CDH4: variants seen among roughly 807,000 people sequenced by gnomAD.
CDH4 encodes cadherin-4.
CDH4 carries 33 observed loss-of-function variants against 86.0 expected under a neutral mutation model. The observed-to-expected ratio is 0.38, with a 90% CI of 0.29 to 0.51. The LOEUF (loss-of-function observed/expected upper bound fraction) is 0.51. Among genes scored for constraint, CDH4 ranks in the 20% least tolerant of loss-of-function variants. The pLI is 0.86. For missense variants in CDH4, 1,114 were observed against 1,307.4 expected (o/e 0.85, Z 2.28); for synonymous variants, 555 against 549.4 (o/e 1.01, Z -0.14).
intron 2 of CDH4, among the ~76,000 whole-genome samples, chr20:61,408,889 G>C (rs554300441): frequency 6.6e-6 from 1 of 152,320 alleles, no homozygotes; most frequent in African/African-American, 2.4e-5. Flanking sequence ...CAGCCAGATG[G>C]CCACGGGGTC....
At chr20:61,720,599 CA>C (rs1261168544) in intron 2 of CDH4, among the ~76,000 whole-genome samples, 2 of 151,180 alleles carry the variant, frequency 1.3e-5, no homozygotes, top group Non-Finnish European at 3.0e-5. Flanking sequence ...GTGTACAGTG[CA>C]GGGGTGCAGC....
intron 2 of CDH4, among the ~76,000 whole-genome samples, chr20:61,556,776 T>TG (rs1307605070): frequency 6.6e-6 from 1 of 152,078 alleles, no homozygotes; most frequent in Non-Finnish European, 1.5e-5. Flanking sequence ...TTGAGGCAGG[T>TG]GGCCAGTGGC....
chr20:61,329,350 T>TCATGGTCCCCC (rs2084556493), intron 2 of CDH4, among the ~76,000 whole-genome samples: 2 of 51,880 alleles, frequency 3.9e-5, no homozygotes, highest in Non-Finnish European at 4.5e-5. Flanking sequence ...CATGGTTCCC[T>TCATGGTCCCCC]CGTGGGTCTG....
chr20:61,677,709 A>G (rs1047694069), intron 2 of CDH4, among the ~76,000 whole-genome samples: 1 of 152,016 alleles, frequency 6.6e-6, no homozygotes, highest in Non-Finnish European at 1.5e-5. Context: ...GGACGGATGG[A>G]TGGATGATAG....
At chr20:61,669,644 T>A (rs1039773169) in intron 2 of CDH4, among the ~76,000 whole-genome samples, 3 of 152,192 alleles carry the variant, frequency 2.0e-5, no homozygotes, top group African/African-American at 7.2e-5. Context: ...GAGAAGCTCT[T>A]TCCTGAAAGT....
At chr20:61,930,396 G>A (rs563655328) in intron 13 of CDH4, among the ~76,000 whole-genome samples, 35 of 152,324 alleles carry the variant, frequency 2.3e-4, no homozygotes, top group African/African-American at 7.9e-4. Flanking sequence ...GGGCTGGCGG[G>A]GGGGCGGTGC....
At chr20:61,505,168 C>A (rs1198578675) in intron 2 of CDH4, among the ~76,000 whole-genome samples, 1 of 152,100 alleles carries the variant, frequency 6.6e-6, no homozygotes, top group African/African-American at 2.4e-5. Flanking sequence ...GGATTTGGTT[C>A]ATTGTGGGGT....
At chr20:61,602,118 A>T (rs1260818167) in intron 2 of CDH4, among the ~76,000 whole-genome samples, 1 of 152,114 alleles carries the variant, frequency 6.6e-6, no homozygotes, top group Non-Finnish European at 1.5e-5. Context: ...GCTGCTGGCG[A>T]TGCTTTCTGG....
intron 2 of CDH4, among the ~76,000 whole-genome samples, chr20:61,322,922 C>T (rs1355990622): frequency 2.6e-5 from 4 of 152,084 alleles, no homozygotes; most frequent in African/African-American, 4.8e-5. Context: ...TTTTATGTCC[C>T]AGGCTGTCAG....
chr20:61,917,159 T>G (rs536268145), intron 9 of CDH4, among the ~76,000 whole-genome samples: 2 of 152,022 alleles, frequency 1.3e-5, no homozygotes, highest in Non-Finnish European at 2.9e-5. Context: ...CCCAATTCCA[T>G]CTCCCTAGCC....
chr20:61,453,362 C>T (rs752930381), intron 2 of CDH4, among the ~76,000 whole-genome samples: 2 of 152,144 alleles, frequency 1.3e-5, no homozygotes, highest in African/African-American at 2.4e-5. Flanking sequence ...CCAGCAGAGA[C>T]GTCAGGGCTG....
At chr20:61,773,262 G>A in intron 4 of CDH4, 80 bp downstream of exon 4, 2 of 1,356,126 alleles carry the variant, frequency 1.5e-6, no homozygotes, top group Non-Finnish European at 9.8e-7. Context: ...AAAGCCAGGG[G>A]CGGGTTCCGC....
Position 61,668,659 on chromosome 20 carries a change from C to T in CDH4, c.170-74904C>T, listed in dbSNP as rs1414007430. Among the ~76,000 whole-genome samples the T allele has an allele frequency of 4.6e-5, 7 of 152,346 alleles. No individual in the cohort carries two copies. The East Asian group carries it at 1.2e-3, about 25-fold the overall frequency. On this transcript the variant is annotated intron_variant, in intron 2 of 15. Transcript: ENST00000614565. ...CTGGGGTCAGAGAGGTGAAATGGCA[C>T]ACCCAAGGTTAAGCAGCCTGGGAGC...
At chr20:61,599,305 C>G (rs1251878207) in intron 2 of CDH4, among the ~76,000 whole-genome samples, 1 of 152,174 alleles carries the variant, frequency 6.6e-6, no homozygotes, top group Non-Finnish European at 1.5e-5. Context: ...GGACTGGGGA[C>G]CTCCTTCTGC....
intron 2 of CDH4, among the ~76,000 whole-genome samples, chr20:61,310,021 TG>T (rs1372894499): frequency 1.3e-5 from 2 of 152,148 alleles, no homozygotes; most frequent in Non-Finnish European, 2.9e-5. Context: ...ACAGCTCTCC[TG>T]CGGCTTACAG....
At chr20:61,742,677 A>G (rs1269650889) in intron 2 of CDH4, among the ~76,000 whole-genome samples, 1 of 152,272 alleles carries the variant, frequency 6.6e-6, no homozygotes, top group African/African-American at 2.4e-5. Flanking sequence ...GTAATTTACC[A>G]CGGCTGTAGG....
At chr20:61,651,464 C>G (rs994302858) in intron 2 of CDH4, among the ~76,000 whole-genome samples, 37 of 152,342 alleles carry the variant, frequency 2.4e-4, no homozygotes, top group African/African-American at 8.7e-4. Flanking sequence ...GCTTTCCCAC[C>G]CCTTATGACC....
chr20:61,741,042 C>T (rs1010805922), intron 2 of CDH4, among the ~76,000 whole-genome samples: 2 of 152,184 alleles, frequency 1.3e-5, no homozygotes, highest in African/African-American at 4.8e-5. Context: ...GAAACCCTGT[C>T]TACTAAACAT....
chr20:61,923,757 C>A, intron 10 of CDH4, 53 bp downstream of exon 10: 5 of 1,565,720 alleles, frequency 3.2e-6, no homozygotes, highest in Non-Finnish European at 4.3e-6. Flanking sequence ...AGGTTCCATA[C>A]AGAAGGGTCC....
Sources: gnomAD v4.1 joint callset for allele counts (sites outside exome capture counted in the v4.1 genomes callset) on GRCh38, gnomAD v4.1.1 for gene constraint, MANE v1.5 for transcripts, NCBI Gene and HGNC (gene_info 2026-07-23, HGNC 2026-07-21) for gene names.